The following ARHGEF10 variants were observed in gnomAD, a reference collection of about 807,000 sequenced individuals.
ARHGEF10 encodes Rho guanine nucleotide exchange factor 10.
In ARHGEF10, 140 loss-of-function variants were observed where a neutral mutation model predicts 147.4. The ratio of observed to expected loss-of-function variants is 0.95; its 90% CI spans 0.83 to 1.09. The LOEUF is 1.09. Ranked by LOEUF, ARHGEF10 falls within the 50% of genes least tolerant of loss-of-function variation. The pLI is 0.00. For missense variants in ARHGEF10, 2,222 were observed against 1,752.7 expected (o/e 1.27, Z -4.78); for synonymous variants, 902 against 695.8 (o/e 1.30, Z -4.67).
chr8:1,841,527 G>A (rs551655562), intron 1 of ARHGEF10, among the ~76,000 whole-genome samples: 10 of 152,216 alleles, frequency 6.6e-5, no homozygotes, highest in Non-Finnish European at 1.0e-4. Context: ...AGCATCACCA[G>A]GCTCTTTCCC....
rs1377923141 is a variant in ARHGEF10, at chr8:1,926,285, T to C, written c.2611-92T>C. 2.2e-5 allele frequency: 22 copies of C among 1,018,568 alleles called. No individual in the cohort carries two copies. The East Asian group carries it at 4.0e-4, about 19-fold the overall frequency. The allele number at this position is 1,018,568 out of a possible 1,614,324, so 63.1% of individuals were successfully genotyped here. On this transcript the variant is annotated intron_variant, in intron 22 of 28. Coordinates refer to ENST00000349830, the MANE Select transcript of ARHGEF10 (RefSeq NM_014629.4). Reference sequence around the variant, plus strand: ...AACCTGTAATTTCTGTGTTTATACATTGGAAGTAAGTCATCCATTTAAGAC... The same window carrying C: ...AACCTGTAATTTCTGTGTTTATACACTGGAAGTAAGTCATCCATTTAAGAC...
intron 18 of ARHGEF10, among the ~76,000 whole-genome samples, chr8:1,909,808 G>T (rs1429478961): frequency 6.6e-6 from 1 of 152,172 alleles, no homozygotes; most frequent in Admixed American, 6.5e-5. Context: ...GGTCTCTTGA[G>T]TGTGTGGAGC....
At chr8:1,849,387 A>ACGCCGAGGAGGGCG (rs1469983621) in intron 2 of ARHGEF10, among the ~76,000 whole-genome samples, 89 of 151,194 alleles carry the variant, frequency 5.9e-4, no homozygotes, top group African/African-American at 2.0e-3. Flanking sequence ...CAGAAGGCAA[A>ACGCCGAGGAGGGCG]TGCCGAGGAG....
At chr8:1,921,713 G>A (rs566565639) in intron 18 of ARHGEF10, among the ~76,000 whole-genome samples, 16 of 150,850 alleles carry the variant, frequency 1.1e-4, no homozygotes, top group Non-Finnish European at 1.8e-4. Flanking sequence ...GCAGCCTGGG[G>A]GACAAGAGCG....
Position 1,850,019 on chromosome 8 carries a change from C to T in ARHGEF10, c.37+6583C>T, listed in dbSNP as rs1219409665. The stretch of plus-strand genomic sequence containing the variant: ...GGCAAATGCTGAGGAGGGCGTGGGC[C>T]GGCTGCATGGACACAGAGGGCAAAT... On this transcript the variant is annotated intron_variant, in intron 2 of 28. Coordinates refer to ENST00000349830, the MANE Select transcript of ARHGEF10 (RefSeq NM_014629.4). 6.5e-3 allele frequency among the ~76,000 whole-genome samples: 411 copies of T among 63,258 alleles called. 2 individuals carry two copies. The highest frequency in any genetic ancestry group is 0.017 in the African/African-American group (259 of 14,934). 41.5% of individuals were successfully genotyped at this position (63,258 alleles called of 152,430 possible).
upstream of ARHGEF10, among the ~76,000 whole-genome samples, chr8:1,823,431 C>T (rs1802517425): frequency 1.4e-5 from 2 of 146,344 alleles, no homozygotes; most frequent in Non-Finnish European, 3.0e-5. Context: ...CGGGTGTCCG[C>T]AGGGAGGGGC....
At chr8:1,835,347 C>G (rs921210100) in intron 1 of ARHGEF10, among the ~76,000 whole-genome samples, 1 of 152,194 alleles carries the variant, frequency 6.6e-6, no homozygotes, top group Admixed American at 6.5e-5. Flanking sequence ...GAGTCGGTGC[C>G]GTCCCTGTGC....
At chr8:1,842,835 C>G (rs1804199139) in intron 1 of ARHGEF10, among the ~76,000 whole-genome samples, 1 of 152,200 alleles carries the variant, frequency 6.6e-6, no homozygotes, top group African/African-American at 2.4e-5. Context: ...GCAGGCAGGC[C>G]GGGACCCAGC....
intron 1 of ARHGEF10, among the ~76,000 whole-genome samples, chr8:1,836,939 G>A (rs1183216773): frequency 6.6e-6 from 1 of 152,176 alleles, no homozygotes; most frequent in Non-Finnish European, 1.5e-5. Flanking sequence ...CACGTAAGAA[G>A]TGCCTTTCAC....
chr8:1,946,409 G>A (rs963311032), intron 27 of ARHGEF10, among the ~76,000 whole-genome samples: 6 of 152,194 alleles, frequency 3.9e-5, no homozygotes, highest in African/African-American at 9.6e-5. Flanking sequence ...CTGCCCCTCC[G>A]CGTTCTGGAG....
chr8:1,904,066 T>C (rs1459780527), intron 16 of ARHGEF10: 10 of 152,746 alleles, frequency 6.5e-5, no homozygotes, highest in Non-Finnish European at 1.2e-4. Flanking sequence ...TGCTGCACTC[T>C]AGCCTGGGTG....
intron 26 of ARHGEF10, among the ~76,000 whole-genome samples, chr8:1,943,308 A>G (rs1178607634): frequency 6.6e-6 from 1 of 152,196 alleles, no homozygotes; most frequent in Non-Finnish European, 1.5e-5. Context: ...ACAGGGCCCC[A>G]TTCCAGGAGG....
Position 1,826,099 on chromosome 8 carries a change from C to G in ARHGEF10, c.-48+1986C>G, listed in dbSNP as rs777337512. ...CATCGGCAGTTACGGATGCATAACT[C>G]TTTATAGACAGATGAGACCTCCAGG... On this transcript the variant is annotated intron_variant, in intron 1 of 28. Transcript: ENST00000349830. 45 of 1,594,168 alleles carry G rather than the reference C, an allele frequency of 2.8e-5. No individual in the cohort carries two copies. The East Asian group carries it at 1.0e-3, about 36-fold the overall frequency.
chr8:1,901,053 C>T (rs141451599), intron 15 of ARHGEF10, among the ~76,000 whole-genome samples: 172 of 152,026 alleles, frequency 1.1e-3, no homozygotes, highest in African/African-American at 3.7e-3. Flanking sequence ...GGTGGGTCCA[C>T]GTACTTTGGA....
intron 17 of ARHGEF10, among the ~76,000 whole-genome samples, chr8:1,908,808 A>C (rs150501680): frequency 0.018 from 2,778 of 152,240 alleles, 52 homozygotes; most frequent in Admixed American, 0.057. Context: ...TTTCGGTTCA[A>C]TTTCCGTATA....
intron 4 of ARHGEF10, among the ~76,000 whole-genome samples, chr8:1,862,905 A>C (rs1806263714): frequency 6.6e-6 from 1 of 150,482 alleles, no homozygotes; most frequent in African/African-American, 2.4e-5. Context: ...CAGCCTCCCA[A>C]GTAGCTGGGA....
At chr8:1,856,525 T>G (rs972398092) in intron 2 of ARHGEF10, among the ~76,000 whole-genome samples, 2 of 152,232 alleles carry the variant, frequency 1.3e-5, no homozygotes, top group Admixed American at 6.5e-5. Flanking sequence ...ATTTAAAGGT[T>G]GTTTTTAGAC....
At chr8:1,884,775 G>GT (rs1256288150) in intron 10 of ARHGEF10, among the ~76,000 whole-genome samples, 1 of 152,058 alleles carries the variant, frequency 6.6e-6, no homozygotes, top group Non-Finnish European at 1.5e-5. Context: ...GCGTTTTCTT[G>GT]TTTTTTAGAG....
chr8:1,915,753 G>A (rs61188033), intron 18 of ARHGEF10, among the ~76,000 whole-genome samples: 9,395 of 152,330 alleles, frequency 0.062, 308 homozygotes, highest in African/African-American at 0.08. Flanking sequence ...GAGCTCAACA[G>A]GAGGCAGGGA....
Sources: allele counts gnomAD v4.1 joint callset (sites outside exome capture counted in the v4.1 genomes callset), GRCh38; gene constraint gnomAD v4.1.1; transcripts MANE v1.5; gene names NCBI Gene and HGNC (gene_info 2026-07-23, HGNC 2026-07-21).